The following ADAMTS9 variants were observed in gnomAD, a reference collection of about 807,000 sequenced individuals.
ADAMTS9 encodes the protein A disintegrin and metalloproteinase with thrombospondin motifs 9.
Under a neutral mutation model 257.1 loss-of-function variants are expected in ADAMTS9, and 107 were observed. The observed-to-expected ratio is 0.42, with a 90% CI of 0.36 to 0.49. The LOEUF (loss-of-function observed/expected upper bound fraction) is 0.49, where lower values mean the gene tolerates loss of function less well. ADAMTS9 is among the 20% of genes least tolerant of loss of function. The pLI, the probability that ADAMTS9 is intolerant of heterozygous loss-of-function variation, is 0.03. For missense variants in ADAMTS9, 2,353 were observed against 2,469.1 expected, an observed-to-expected ratio of 0.95 and a Z score of 1.00; for synonymous variants, 982 against 880.9, an observed-to-expected ratio of 1.11 and a Z score of -2.03.
rs1474605965 is a variant in ADAMTS9, at chr3:64,596,627, C to G, written c.4179+203G>C. 2.0e-5 allele frequency among the ~76,000 whole-genome samples: 3 copies of G among 152,174 alleles called. No individual in the cohort carries two copies. The East Asian group carries it at 5.8e-4, about 29-fold the overall frequency. On this transcript the variant is annotated intron_variant, in intron 27 of 39. Coordinates refer to ENST00000498707, the MANE Select transcript of ADAMTS9 (RefSeq NM_182920.2). ...CTGTATTCTCACCTAATTTTCCTCACCTGTGTACCCAAACTGTCTCTTAGT... is the reference window on the plus strand; with the variant it reads ...CTGTATTCTCACCTAATTTTCCTCAGCTGTGTACCCAAACTGTCTCTTAGT...
At chr3:64,603,777 G>A (rs939021995) in intron 25 of ADAMTS9, 145 bp downstream of exon 25, 8 of 962,870 alleles carry the variant, frequency 8.3e-6, no homozygotes, top group Non-Finnish European at 1.2e-5. Flanking sequence ...CACATAAGTG[G>A]AGCAGCACAA....
intron 3 of ADAMTS9, among the ~76,000 whole-genome samples, chr3:64,669,204 A>G (rs912329038): frequency 6.6e-6 from 1 of 152,188 alleles, no homozygotes; most frequent in Non-Finnish European, 1.5e-5. Context: ...TGACAACTTA[A>G]TCCCTTAAAT....
intron 22 of ADAMTS9, among the ~76,000 whole-genome samples, chr3:64,610,738 T>G (rs1457239563): frequency 6.6e-6 from 1 of 152,080 alleles, no homozygotes; most frequent in South Asian, 2.1e-4. Context: ...ATAATAAAAA[T>G]GCAAAATTAT....
rs138753923 is a variant in ADAMTS9, at chr3:64,546,789, G to A, written c.5033C>T (p.Ser1678Leu). Residue 1678 changes from serine to leucine, a missense_variant, in exon 32 of 40, where the codon TCG (serine) becomes TTG (leucine). Physicochemically the swap from Ser to Leu is moderately radical, Grantham distance 145 (BLOSUM62 -2). Around this residue, in one of 3 missense-constraint regions of ADAMTS9, gnomAD observed 1,402 missense variants for 1,441.4 expected, o/e 0.97. Transcript: ENST00000498707. ...CCAGTTGCCAACTCTCCAGGTGGCCGAGACAGGGCAGTCCCTCAGGTAACA... is the reference window on the plus strand; with the variant it reads ...CCAGTTGCCAACTCTCCAGGTGGCCAAGACAGGGCAGTCCCTCAGGTAACA... ...HPCYLRDCPV[S>L]ATWRVGNWGS... The A allele has an allele frequency of 6.4e-5, 103 of 1,610,878 alleles. No individual in the cohort carries two copies. Among genetic ancestry groups the A allele is most frequent in the African/African-American group, 1.6e-4 (12 of 74,966 alleles).
At position 64,681,311 on chromosome 3, in the gene ADAMTS9, G is replaced by C. The variant is rs1320959769; in HGVS notation, c.569C>G (p.Ser190Cys). Residue 190 changes from serine (S) to cysteine (C), a missense_variant, in exon 3 of 40, where the codon TCT (serine) becomes TGT (cysteine). This residue lies in a region of ADAMTS9 where 591 missense variants were observed against 569.6 expected (regional missense o/e 1.04). Transcript: ENST00000498707. ...DGDYFIEPLQ[S>C]MDEQEDEEEQ... Reference sequence around the variant, plus strand: ...CTCTTCATCTTCTTGTTCATCCATAGACTGTAGTGGTTCAATAAAATAATC... The same window carrying C: ...CTCTTCATCTTCTTGTTCATCCATACACTGTAGTGGTTCAATAAAATAATC... 2 of 1,613,778 alleles carry C rather than the reference G, an allele frequency of 1.2e-6. No homozygotes were observed. The highest frequency in any genetic ancestry group is 1.3e-5 in the African/African-American group (1 of 74,876).
chr3:64,687,570 G>A lies in ADAMTS9; in HGVS notation c.88C>T (p.Arg30Cys). 1 of 1,564,930 alleles carries A rather than the reference G, an allele frequency of 6.4e-7. No homozygotes were observed. Among genetic ancestry groups the A allele is most frequent in the African/African-American group, 1.4e-5 (1 of 73,374 alleles). The change falls in exon 1 of 40, where the codon CGC becomes TGC. Residue 30 changes from arginine (R) to cysteine (C), a missense_variant. Coordinates refer to ENST00000498707, the MANE Select transcript of ADAMTS9 (RefSeq NM_182920.2). The surrounding 1 kb of genome is among the most constrained non-coding windows in gnomAD (Gnocchi z 4.4). The stretch of plus-strand genomic sequence containing the variant: ...TGCCTCGGGTGCAGCCTGTCCTTGC[G>A]CACGGCCGCCGCGGCGTCTGGGCTC... Reference protein sequence around the residue: ...MGSPDAAAAVRKDRLHPRQVK... With the variant: ...MGSPDAAAAVCKDRLHPRQVK...
chr3:64,613,078 T>G (rs2084696117), intron 22 of ADAMTS9, among the ~76,000 whole-genome samples: 1 of 152,130 alleles, frequency 6.6e-6, no homozygotes, highest in African/African-American at 2.4e-5. Flanking sequence ...GTGAATTTGT[T>G]CAAACACTCG....
Position 64,616,039 on chromosome 3 carries a change from C to G in ADAMTS9, c.2945G>C (p.Ser982Thr), listed in dbSNP as rs768988609. 1 of 1,614,038 alleles carries G rather than the reference C, an allele frequency of 6.2e-7. No homozygotes were observed. Among genetic ancestry groups the G allele is most frequent in the Admixed American group, 1.7e-5 (1 of 60,016 alleles). ...TTCACGGTTGCTTGGTTTGGGATGG[C>G]TGCTGCAAAAACCATCATCAACCTT... ...TEKVDDGFCS[S>T]HPKPSNREKC... is the part of the protein sequence containing the mutation. Residue 982 changes from serine to threonine, a missense_variant, in exon 20 of 40, where the codon AGC becomes ACC. Physicochemically the swap from Ser to Thr is moderately conservative, Grantham distance 58. Around this residue, in one of 3 missense-constraint regions of ADAMTS9, gnomAD observed 1,402 missense variants for 1,441.4 expected, o/e 0.97. Transcript: ENST00000498707.
intron 30 of ADAMTS9, among the ~76,000 whole-genome samples, chr3:64,553,544 T>C (rs1216086256): frequency 6.6e-6 from 1 of 152,194 alleles, no homozygotes. Context: ...TTTTCCATTC[T>C]TTTGGGTATA....
intron 16 of ADAMTS9, among the ~76,000 whole-genome samples, chr3:64,624,611 G>T (rs1252099531): frequency 2.0e-5 from 3 of 152,122 alleles, no homozygotes; most frequent in African/African-American, 7.2e-5. Flanking sequence ...TTCTAAAATT[G>T]ACTCCCTTTC....
intron 16 of ADAMTS9, among the ~76,000 whole-genome samples, chr3:64,630,290 ATG>A (rs1700335613): frequency 1.3e-5 from 2 of 152,216 alleles, no homozygotes; most frequent in Admixed American, 6.5e-5. Flanking sequence ...TGGGCTGGGC[ATG>A]GTGGCTCATG....
Position 64,615,467 on chromosome 3 carries a change from C to T in ADAMTS9, c.3043G>A (p.Gly1015Ser), listed in dbSNP as rs779666275. 16 of 1,613,018 alleles carry T rather than the reference C, an allele frequency of 9.9e-6. No individual in the cohort carries two copies. Among genetic ancestry groups the T allele is most frequent in the South Asian group, 4.4e-5 (4 of 90,902 alleles). Residue 1015 changes from glycine (G) to serine (S), a missense_variant, in exon 21 of 40, where the codon GGT becomes AGT. Physicochemically the swap from Gly to Ser is moderately conservative, Grantham distance 56. Coordinates refer to ENST00000498707, the MANE Select transcript of ADAMTS9 (RefSeq NM_182920.2). ...ATAGCCCTTCTCCTCTGGGTCCCAC[C>T]GTCACAGCTTTTTGAACACTGTAGG... ...AWTECSKSCD[G>S]GTQRRRAICV...
chr3:64,616,214 T>C (rs749898593), intron 19 of ADAMTS9, 44 bp from the exon 20 acceptor site: 2 of 1,594,744 alleles, frequency 1.3e-6, no homozygotes, highest in Non-Finnish European at 1.7e-6. Flanking sequence ...CTGTTAAAAA[T>C]ATATGCCTTA....
intron 3 of ADAMTS9, among the ~76,000 whole-genome samples, chr3:64,667,998 G>A (rs1422409565): frequency 6.6e-6 from 1 of 152,146 alleles, no homozygotes; most frequent in Admixed American, 6.5e-5. Context: ...TTAATATCCT[G>A]CAAAGTACCC....
intron 3 of ADAMTS9, among the ~76,000 whole-genome samples, chr3:64,676,536 T>G (rs1014586860): frequency 6.6e-6 from 1 of 152,006 alleles, no homozygotes. Flanking sequence ...AAAAATAATA[T>G]CCTACCAAAC....
At chr3:64,593,041 G>A (rs2084291951) in intron 28 of ADAMTS9, among the ~76,000 whole-genome samples, 1 of 152,144 alleles carries the variant, frequency 6.6e-6, no homozygotes, top group African/African-American at 2.4e-5. Flanking sequence ...TAGGGAAAAT[G>A]CTCCTACTGA....
Position 64,580,840 on chromosome 3 carries a change from G to C in ADAMTS9, c.4357-12305C>G, listed in dbSNP as rs1358292621. Among the ~76,000 whole-genome samples, 3 of 152,146 alleles carry C rather than the reference G, an allele frequency of 2.0e-5. No individual in the cohort carries two copies. The East Asian group carries it at 5.8e-4, about 29-fold the overall frequency. The stretch of plus-strand genomic sequence containing the variant: ...GACTTTTATAAAGCAAAAGAGGGCT[G>C]AACTGGTTTCTATTCAGGCTTGTTT... On this transcript the variant is annotated intron_variant, in intron 28 of 39. Transcript: ENST00000498707.
At chr3:64,634,723 C>T (rs1402852072) in intron 12 of ADAMTS9, among the ~76,000 whole-genome samples, 1 of 152,190 alleles carries the variant, frequency 6.6e-6, no homozygotes, top group Non-Finnish European at 1.5e-5. Context: ...TCACCCAGGG[C>T]TGAAACAGCT....
At chr3:64,650,796 A>G (rs1046388945) in intron 9 of ADAMTS9, 4 of 482,374 alleles carry the variant, frequency 8.3e-6, no homozygotes, top group Non-Finnish European at 1.1e-5. Context: ...TAAGACTCCA[A>G]CCTTTTCTTT....
Sources: gnomAD v4.1 joint callset for allele counts (sites outside exome capture counted in the v4.1 genomes callset) on GRCh38, gnomAD v4.1.1 for gene constraint, gnomAD v4.1.1 regional missense constraint, Gnocchi (gnomAD v3.1) non-coding constraint, MANE v1.5 for transcripts, NCBI Gene and HGNC (gene_info 2026-07-23, HGNC 2026-07-21) for gene names.